RBFOX1: variants seen among roughly 807,000 people sequenced by gnomAD.
RBFOX1 encodes the protein RNA binding fox-1 homolog 1.
A neutral mutation model predicts 57.7 loss-of-function variants in RBFOX1; 8 were observed. The observed-to-expected ratio is 0.14, with a 90% CI of 0.08 to 0.25. The LOEUF (loss-of-function observed/expected upper bound fraction) is 0.25. Ranked by LOEUF, RBFOX1 falls within the 10% of genes least tolerant of loss-of-function variation. RBFOX1 has a pLI of 1.00. For missense variants in RBFOX1, 611 were observed against 548.5 expected (o/e 1.11, Z -1.14); for synonymous variants, 326 against 222.4 (o/e 1.47, Z -4.15).
intron 5 of RBFOX1, among the ~76,000 whole-genome samples, chr16:7,533,291 A>G (rs1402566238): frequency 6.6e-6 from 1 of 152,260 alleles, no homozygotes; most frequent in Non-Finnish European, 1.5e-5. Flanking sequence ...GAACTCCAGA[A>G]AGAAAATGAA....
At chr16:6,484,444 GCT>G (rs5815315) in intron 2 of RBFOX1, among the ~76,000 whole-genome samples, 31,661 of 152,038 alleles carry the variant, frequency 0.21, 4,067 homozygotes, top group Non-Finnish European at 0.29. Flanking sequence ...TGAGAAATAA[GCT>G]CTGTACCATT....
chr16:5,432,909 C>T (rs2067797644), intron 1 of RBFOX1, among the ~76,000 whole-genome samples: 1 of 152,112 alleles, frequency 6.6e-6, no homozygotes, highest in African/African-American at 2.4e-5. Context: ...TCTCAGCCTC[C>T]TGAGTAGCTG....
intron 3 of RBFOX1, among the ~76,000 whole-genome samples, chr16:6,965,142 A>T (rs1210464910): frequency 6.6e-6 from 1 of 152,092 alleles, no homozygotes; most frequent in East Asian, 1.9e-4. Flanking sequence ...TCTCGGGGCC[A>T]AGGGCAACTG....
At chr16:7,148,634 A>T (rs1037807533) in intron 4 of RBFOX1, among the ~76,000 whole-genome samples, 4 of 152,194 alleles carry the variant, frequency 2.6e-5, no homozygotes, top group African/African-American at 9.6e-5. Flanking sequence ...ACTTGTGATA[A>T]ATTCCAGTTG....
chr16:7,043,797 G>A (rs568484785), intron 3 of RBFOX1, among the ~76,000 whole-genome samples: 2 of 152,120 alleles, frequency 1.3e-5, no homozygotes, highest in Non-Finnish European at 2.9e-5. Context: ...GTTCCCTCTT[G>A]CACTTGACTC....
intron 4 of RBFOX1, among the ~76,000 whole-genome samples, chr16:5,901,377 A>C (rs2152181739): frequency 6.6e-6 from 1 of 152,292 alleles, no homozygotes; most frequent in South Asian, 2.1e-4. Context: ...ATGACTTCCC[A>C]GAGCTGAGCA....
intron 2 of RBFOX1, among the ~76,000 whole-genome samples, chr16:5,539,833 G>A (rs546195389): frequency 6.6e-6 from 1 of 152,180 alleles, no homozygotes; most frequent in Non-Finnish European, 1.5e-5. Context: ...TGAATTGGAA[G>A]AGTGACATGG....
intron 2 of RBFOX1, among the ~76,000 whole-genome samples, chr16:6,356,074 G>A (rs2087266654): frequency 6.6e-6 from 1 of 152,194 alleles, no homozygotes; most frequent in Non-Finnish European, 1.5e-5. Flanking sequence ...AGAAATAAAT[G>A]CATGGATAAA....
chr16:6,849,955 T>G (rs79104559), intron 3 of RBFOX1, among the ~76,000 whole-genome samples: 10 of 152,210 alleles, frequency 6.6e-5, no homozygotes, highest in African/African-American at 2.4e-4. Context: ...AGCTGGAGAC[T>G]TTGTCTTTGA....
At chr16:5,455,986 G>A (rs1426547398) in intron 1 of RBFOX1, among the ~76,000 whole-genome samples, 1 of 151,908 alleles carries the variant, frequency 6.6e-6, no homozygotes, top group Admixed American at 6.6e-5. Context: ...GATTTTTGTT[G>A]AGTTTCATAA....
At chr16:5,370,710 C>CT (rs747661795) in intron 1 of RBFOX1, among the ~76,000 whole-genome samples, 21 of 151,956 alleles carry the variant, frequency 1.4e-4, no homozygotes, top group Non-Finnish European at 1.6e-4. Context: ...CCAGGCTGAT[C>CT]TTTAACACCT....
At chr16:6,049,381 T>C (rs1321892442) in intron 1 of RBFOX1, among the ~76,000 whole-genome samples, 1 of 152,154 alleles carries the variant, frequency 6.6e-6, no homozygotes, top group Non-Finnish European at 1.5e-5. Flanking sequence ...GTAGAGAGAA[T>C]AGCCTGAAGA....
intron 1 of RBFOX1, among the ~76,000 whole-genome samples, chr16:6,178,918 GA>G (rs1478967236): frequency 2.6e-5 from 4 of 152,164 alleles, no homozygotes; most frequent in African/African-American, 9.7e-5. Flanking sequence ...ATATAAGGAA[GA>G]CAAAAGCAAC....
At chr16:7,496,807 TA>T (rs1012552232) in intron 4 of RBFOX1, among the ~76,000 whole-genome samples, 1 of 147,288 alleles carries the variant, frequency 6.8e-6, no homozygotes, top group African/African-American at 2.5e-5. Context: ...TTTTAGAAAA[TA>T]AAAAATAAAT....
intron 3 of RBFOX1, among the ~76,000 whole-genome samples, chr16:5,751,048 G>T (rs533028448): frequency 2.0e-5 from 3 of 152,158 alleles, no homozygotes; most frequent in Non-Finnish European, 4.4e-5. Flanking sequence ...TCACCATGTT[G>T]ACTGGGCTGG....
At chr16:5,312,394 C>T (rs974622740) in intron 1 of RBFOX1, among the ~76,000 whole-genome samples, 1 of 152,226 alleles carries the variant, frequency 6.6e-6, no homozygotes, top group South Asian at 2.1e-4. Flanking sequence ...TCGTGGCTCA[C>T]TGCCACCTCT....
intron 2 of RBFOX1, among the ~76,000 whole-genome samples, chr16:5,501,493 A>T (rs1597321717): frequency 6.6e-6 from 1 of 151,872 alleles, no homozygotes; most frequent in Non-Finnish European, 1.5e-5. Flanking sequence ...ATCCTGGGGG[A>T]AGAGGGTTTG....
At chr16:6,023,971 C>G (rs1297172908) in intron 1 of RBFOX1, among the ~76,000 whole-genome samples, 1 of 152,176 alleles carries the variant, frequency 6.6e-6, no homozygotes, top group Non-Finnish European at 1.5e-5. Context: ...CAGATGATGT[C>G]AACTGTGAAC....
chr16:6,425,732 C>G (rs145641919), intron 2 of RBFOX1, among the ~76,000 whole-genome samples: 1 of 151,976 alleles, frequency 6.6e-6, no homozygotes, highest in African/African-American at 2.4e-5. Flanking sequence ...CACACACGAA[C>G]GTTTTGATAG....
Sources: allele counts gnomAD v4.1 joint callset (sites outside exome capture counted in the v4.1 genomes callset), GRCh38; gene constraint gnomAD v4.1.1; transcripts MANE v1.5; gene names NCBI Gene and HGNC (gene_info 2026-07-23, HGNC 2026-07-21).